Variants in SLC1A2 observed in about 807,000 individuals in gnomAD.
SLC1A2 encodes the protein solute carrier family 1 member 2.
SLC1A2 carries 15 observed loss-of-function variants against 48.8 expected under a neutral mutation model. That is an observed-to-expected ratio of 0.31 (90% CI 0.21 to 0.47). The LOEUF (loss-of-function observed/expected upper bound fraction) is 0.47. Among genes scored for constraint, SLC1A2 ranks in the 20% least tolerant of loss-of-function variants. SLC1A2 has a pLI of 0.99. For synonymous variants in SLC1A2, 279 were observed against 272.6 expected, an observed-to-expected ratio of 1.02 and a Z score of -0.23; for missense variants, 502 against 730.5, an observed-to-expected ratio of 0.69 and a Z score of 3.61.
At chr11:35,299,175 T>C (rs1292252561) in intron 6 of SLC1A2, 1 of 152,152 alleles carries the variant, frequency 6.6e-6, no homozygotes, top group African/African-American at 2.4e-5. Context: ...CTATCTCTAC[T>C]AAAGATACAA....
chr11:35,304,643 A>T (rs776047881), intron 5 of SLC1A2, among the ~76,000 whole-genome samples: 1 of 152,112 alleles, frequency 6.6e-6, no homozygotes, highest in Non-Finnish European at 1.5e-5. Flanking sequence ...CTGCCAAGCC[A>T]AACAAAAAAG....
chr11:35,358,394 A>G (rs1853558720), intron 1 of SLC1A2, among the ~76,000 whole-genome samples: 1 of 152,216 alleles, frequency 6.6e-6, no homozygotes, highest in Non-Finnish European at 1.5e-5. Flanking sequence ...AGCTGAAACT[A>G]TAAACAAATG....
intron 5 of SLC1A2, among the ~76,000 whole-genome samples, chr11:35,304,948 T>C (rs1851459502): frequency 6.6e-6 from 1 of 152,250 alleles, no homozygotes; most frequent in African/African-American, 2.4e-5. Context: ...GACAAGGCCA[T>C]GTGATCTTTC....
intron 6 of SLC1A2, chr11:35,299,592 T>C (rs1364218693): frequency 1.3e-5 from 2 of 152,116 alleles, no homozygotes; most frequent in Non-Finnish European, 2.9e-5. Flanking sequence ...ATATGGTTCA[T>C]GAAATAGTGA....
chr11:35,364,099 C>G (rs1853767792), intron 1 of SLC1A2, among the ~76,000 whole-genome samples: 1 of 152,158 alleles, frequency 6.6e-6, no homozygotes, highest in African/African-American at 2.4e-5. Flanking sequence ...TGCTCTGACA[C>G]TAAGAACACC....
intron 1 of SLC1A2, among the ~76,000 whole-genome samples, chr11:35,320,704 GA>G (rs1279619858): frequency 6.6e-6 from 1 of 152,236 alleles, no homozygotes; most frequent in South Asian, 2.1e-4. Flanking sequence ...CCCTTCTGCA[GA>G]CAGACTGGCA....
At chr11:35,310,279 A>C (rs1851646954) in intron 4 of SLC1A2, among the ~76,000 whole-genome samples, 1 of 152,194 alleles carries the variant, frequency 6.6e-6, no homozygotes, top group Non-Finnish European at 1.5e-5. Context: ...CTGCGATCCC[A>C]GAATGCTCTT....
At chr11:35,306,840 T>A (rs1013927087) in intron 4 of SLC1A2, among the ~76,000 whole-genome samples, 1 of 152,242 alleles carries the variant, frequency 6.6e-6, no homozygotes, top group Non-Finnish European at 1.5e-5. Flanking sequence ...GCCAGTCTTA[T>A]CCATGTTGCT....
chr11:35,346,037 A>G (rs780934225), intron 1 of SLC1A2, among the ~76,000 whole-genome samples: 2 of 152,144 alleles, frequency 1.3e-5, no homozygotes, highest in Non-Finnish European at 1.5e-5. Flanking sequence ...AGCTGCAACA[A>G]TTAAAACGCA....
At chr11:35,384,064 C>T (rs1319842865) in intron 1 of SLC1A2, among the ~76,000 whole-genome samples, 1 of 152,232 alleles carries the variant, frequency 6.6e-6, no homozygotes, top group Non-Finnish European at 1.5e-5. Context: ...TCCTCTGTTC[C>T]AGCCAGGACT....
At chr11:35,370,429 T>C (rs529920274) in intron 1 of SLC1A2, among the ~76,000 whole-genome samples, 2 of 152,124 alleles carry the variant, frequency 1.3e-5, no homozygotes, top group Admixed American at 6.5e-5. Flanking sequence ...AGTCAAATTA[T>C]CTCTTCTGAA....
intron 1 of SLC1A2, among the ~76,000 whole-genome samples, chr11:35,349,789 G>A (rs1210149851): frequency 6.6e-6 from 1 of 152,192 alleles, no homozygotes. Flanking sequence ...GGAGGGGATT[G>A]AGCGGGGAAC....
chr11:35,285,086 G>A (rs1850768605), intron 8 of SLC1A2, among the ~76,000 whole-genome samples: 1 of 152,208 alleles, frequency 6.6e-6, no homozygotes, highest in African/African-American at 2.4e-5. Flanking sequence ...GCCTTAGCCT[G>A]AACCCAAAAA....
chr11:35,365,441 T>G (rs1203551175), intron 1 of SLC1A2, among the ~76,000 whole-genome samples: 1 of 152,172 alleles, frequency 6.6e-6, no homozygotes, highest in Non-Finnish European at 1.5e-5. Flanking sequence ...TCATAAACGG[T>G]GTGAGTTTGA....
chr11:35,403,192 G>A (rs191788802), intron 1 of SLC1A2, among the ~76,000 whole-genome samples: 1 of 152,320 alleles, frequency 6.6e-6, no homozygotes, highest in African/African-American at 2.4e-5. Context: ...CTATCAGGTG[G>A]GTGATATTGT....
chr11:35,371,734 T>C (rs1565283627), intron 1 of SLC1A2, among the ~76,000 whole-genome samples: 3 of 152,140 alleles, frequency 2.0e-5, no homozygotes, highest in Non-Finnish European at 4.4e-5. Flanking sequence ...CAAGCAACCA[T>C]CCACTTCACC....
chr11:35,287,365 T>C (rs1291850246), intron 7 of SLC1A2, among the ~76,000 whole-genome samples: 5 of 151,906 alleles, frequency 3.3e-5, no homozygotes, highest in Non-Finnish European at 5.9e-5. Context: ...AATTTTTGAA[T>C]AACCCATAAT....
At chr11:35,361,077 T>C (rs1011068935) in intron 1 of SLC1A2, among the ~76,000 whole-genome samples, 3 of 152,092 alleles carry the variant, frequency 2.0e-5, no homozygotes, top group Admixed American at 2.0e-4. Flanking sequence ...GGTTTCACCA[T>C]GTTGGCCAGG....
chr11:35,292,444 G>A lies in SLC1A2; in HGVS notation c.934C>T (p.Gln312Ter). ...ACTGTTACCATGTACATCCCCAGTT[G>A]CCTAGCAACCACTTCTAAGTCCTTG... ...AIKDLEVVARQLGMYMVTVII... is the reference protein window; with the variant it reads ...AIKDLEVVAR The change falls in exon 7 of 11, where the codon CAA becomes TAA. Residue 312 changes from glutamine (Q) to a stop codon, truncating the protein, a stop_gained. Transcript: ENST00000278379. LOFTEE classifies it high-confidence loss of function. 1 of 1,613,902 alleles carries A rather than the reference G, an allele frequency of 6.2e-7. No individual in the cohort carries two copies. Among genetic ancestry groups the A allele is most frequent in the East Asian group, 2.2e-5 (1 of 44,884 alleles).
Sources: allele counts gnomAD v4.1 joint callset (sites outside exome capture counted in the v4.1 genomes callset), GRCh38; gene constraint gnomAD v4.1.1; transcripts MANE v1.5; gene names NCBI Gene and HGNC (gene_info 2026-07-23, HGNC 2026-07-21).